COL19A1: variants seen among roughly 807,000 people sequenced by gnomAD.
COL19A1 encodes collagen type XIX alpha 1 chain.
COL19A1 carries 159 observed loss-of-function variants against 190.2 expected under a neutral mutation model. That is an observed-to-expected ratio of 0.84 (90% confidence interval 0.73 to 0.95). The LOEUF (loss-of-function observed/expected upper bound fraction) is 0.95, where lower values mean the gene tolerates loss of function less well. Ranked by LOEUF, COL19A1 falls within the 40% of genes least tolerant of loss-of-function variation. The pLI, the probability that COL19A1 is intolerant of heterozygous loss-of-function variation, is 0.00. For synonymous variants in COL19A1, 509 were observed against 458.9 expected, an observed-to-expected ratio of 1.11 and a Z score of -1.39; for missense variants, 1,418 against 1,431.9, an observed-to-expected ratio of 0.99 and a Z score of 0.16.
At chr6:70,197,031 C>T (rs1767239762) in intron 48 of COL19A1, among the ~76,000 whole-genome samples, 1 of 152,072 alleles carries the variant, frequency 6.6e-6, no homozygotes, top group African/African-American at 2.4e-5. Context: ...CACCAAAGTA[C>T]TTCTAAACTC....
chr6:70,101,674 G>A (rs1196038980), intron 15 of COL19A1, among the ~76,000 whole-genome samples: 1 of 152,030 alleles, frequency 6.6e-6, no homozygotes, highest in Non-Finnish European at 1.5e-5. Flanking sequence ...ATGCAGATTC[G>A]TGGCTCCGAC....
At chr6:70,036,631 A>T (rs1472093687) in intron 14 of COL19A1, among the ~76,000 whole-genome samples, 1 of 151,916 alleles carries the variant, frequency 6.6e-6, no homozygotes, top group Admixed American at 6.6e-5. Context: ...CTTAAATAAG[A>T]CTCTAAGCCT....
intron 14 of COL19A1, among the ~76,000 whole-genome samples, chr6:70,036,668 G>GT (rs150231550): frequency 0.033 from 4,917 of 151,210 alleles, 141 homozygotes; most frequent in Middle Eastern, 0.1. Flanking sequence ...GTTTTGTTTT[G>GT]TTTTTTTTAA....
chr6:70,137,833 TGC>T, intron 19 of COL19A1, 86 bp downstream of exon 19: 1 of 1,292,814 alleles, frequency 7.7e-7, no homozygotes, highest in Non-Finnish European at 1.1e-6. Context: ...CAATTCCACG[TGC>T]CTTGGTTGAT....
At chr6:70,103,026 C>T (rs1783733000) in intron 16 of COL19A1, among the ~76,000 whole-genome samples, 1 of 152,210 alleles carries the variant, frequency 6.6e-6, no homozygotes, top group South Asian at 2.1e-4. Context: ...CTACCCCCTA[C>T]ATGTTGGATG....
At chr6:70,079,282 A>C (rs891791853) in intron 15 of COL19A1, among the ~76,000 whole-genome samples, 1 of 152,208 alleles carries the variant, frequency 6.6e-6, no homozygotes, top group Non-Finnish European at 1.5e-5. Context: ...ACATTCTTTT[A>C]GAAGAGATGA....
chr6:70,165,435 A>G (rs969192559), intron 36 of COL19A1, among the ~76,000 whole-genome samples: 1 of 152,174 alleles, frequency 6.6e-6, no homozygotes, highest in Non-Finnish European at 1.5e-5. Context: ...AACGTAGGAA[A>G]TGGAAGATGA....
At chr6:70,171,914 A>T (rs1486040716) in intron 40 of COL19A1, 50 bp from the exon 41 acceptor site, 1 of 1,583,584 alleles carries the variant, frequency 6.3e-7, no homozygotes, top group South Asian at 1.1e-5. Flanking sequence ...ACCAATGCTT[A>T]AAAACATTTT....
chr6:70,120,525 T>C (rs1282459362), intron 16 of COL19A1, among the ~76,000 whole-genome samples: 1 of 152,188 alleles, frequency 6.6e-6, no homozygotes, highest in Non-Finnish European at 1.5e-5. Context: ...TTACTTCCTC[T>C]AACTGACCTA....
intron 2 of COL19A1, among the ~76,000 whole-genome samples, chr6:69,898,193 G>A (rs1769919771): frequency 6.6e-6 from 1 of 152,162 alleles, no homozygotes; most frequent in South Asian, 2.1e-4. Context: ...GGTCTTAACT[G>A]TCCAGTTGTA....
chr6:70,028,251 G>A (rs1355655230), intron 12 of COL19A1, among the ~76,000 whole-genome samples: 3 of 152,264 alleles, frequency 2.0e-5, no homozygotes, highest in African/African-American at 7.2e-5. Context: ...TTATAGGAAA[G>A]AAGGAGATGG....
intron 9 of COL19A1, 84 bp from the exon 10 acceptor site, chr6:69,959,912 A>C: frequency 5.2e-4 from 621 of 1,205,648 alleles, no homozygotes; most frequent in Non-Finnish European, 6.7e-4. Context: ...CCACAACACT[A>C]GAGCTATTTG....
intron 9 of COL19A1, among the ~76,000 whole-genome samples, chr6:69,941,840 C>A (rs1773488088): frequency 6.6e-6 from 1 of 152,080 alleles, no homozygotes; most frequent in African/African-American, 2.4e-5. Context: ...AGGCACCCGC[C>A]ATCATGCCTG....
chr6:70,024,624 G>T (rs80185514), intron 12 of COL19A1, among the ~76,000 whole-genome samples: 3,055 of 128,204 alleles, frequency 0.024, 48 homozygotes, highest in East Asian at 0.061. Flanking sequence ...TGGGTGTGTG[G>T]GTGTGTGTGT....
In COL19A1 at chr6:69,867,637, C is replaced by T. The variant is rs972440659; in HGVS notation, c.-33+997C>T. 5 of 152,274 alleles carry T rather than the reference C, an allele frequency of 3.3e-5. No homozygotes were observed. In the East Asian group the frequency reaches 7.8e-4, roughly 24 times the overall value. The allele number at this position is 152,274 out of a possible 1,614,324, so 9.4% of individuals were successfully genotyped here. A position where few individuals can be genotyped will look rare whatever the true frequency, so the allele number is the denominator to read the frequency against. The stretch of plus-strand genomic sequence containing the variant: ...CTAGCTCCCCGAGAGCAGGCGGGCG[C>T]GTAAGCGAACCCCCTTAGAGGTTAC... On this transcript the variant is annotated intron_variant, in intron 1 of 50. Transcript: ENST00000620364.
intron 14 of COL19A1, among the ~76,000 whole-genome samples, chr6:70,067,088 A>T (rs11753925): frequency 6.6e-6 from 1 of 152,160 alleles, no homozygotes; most frequent in African/African-American, 2.4e-5. Context: ...ACTTAAATGA[A>T]TTAGTGGTAA....
intron 9 of COL19A1, among the ~76,000 whole-genome samples, chr6:69,943,058 AT>A (rs138670643): frequency 1.7e-4 from 26 of 151,678 alleles, no homozygotes; most frequent in Non-Finnish European, 3.5e-4. Flanking sequence ...CTTTGGTAGC[AT>A]TTTTTTTGGT....
At chr6:70,154,802 A>T (rs766016203) in intron 31 of COL19A1, among the ~76,000 whole-genome samples, 1 of 152,126 alleles carries the variant, frequency 6.6e-6, no homozygotes, top group Non-Finnish European at 1.5e-5. Flanking sequence ...AAGAATTTGG[A>T]GTCTTATGTT....
intron 37 of COL19A1, among the ~76,000 whole-genome samples, chr6:70,166,682 T>C (rs1452517321): frequency 6.6e-6 from 1 of 152,236 alleles, no homozygotes; most frequent in Admixed American, 6.5e-5. Context: ...GAATTGACCG[T>C]GACTTTCCGA....
Sources: gnomAD v4.1 joint callset for allele counts (sites outside exome capture counted in the v4.1 genomes callset) on GRCh38, gnomAD v4.1.1 for gene constraint, MANE v1.5 for transcripts, NCBI Gene and HGNC (gene_info 2026-07-23, HGNC 2026-07-21) for gene names.